PCDH15: variants seen among roughly 807,000 people sequenced by gnomAD.
The protein encoded by PCDH15 is protocadherin related 15.
In PCDH15, 129 loss-of-function variants were observed where a neutral mutation model predicts 178.5. The ratio of observed to expected loss-of-function variants is 0.72; its 90% confidence interval spans 0.63 to 0.84. PCDH15 has a LOEUF of 0.84. Among genes scored for constraint, PCDH15 ranks in the 40% least tolerant of loss-of-function variants. The pLI is 0.00. For missense variants in PCDH15, 2,230 were observed against 2,099.9 expected (o/e 1.06, Z -1.21); for synonymous variants, 800 against 732.0 (o/e 1.09, Z -1.50).
At chr10:54,358,904 T>C (rs377525613) in intron 5 of PCDH15, among the ~76,000 whole-genome samples, 8 of 150,398 alleles carry the variant, frequency 5.3e-5, no homozygotes, top group African/African-American at 1.5e-4. Context: ...AGTAAACTAT[T>C]GCAAGAACAA....
chr10:54,329,962 T>C (rs554718411), intron 6 of PCDH15, among the ~76,000 whole-genome samples: 94 of 151,868 alleles, frequency 6.2e-4, no homozygotes, highest in Non-Finnish European at 1.1e-3. Context: ...ATATTACTAG[T>C]ATTATTCATC....
chr10:54,783,388 C>A (rs527904658), intron 1 of PCDH15, among the ~76,000 whole-genome samples: 2 of 151,894 alleles, frequency 1.3e-5, no homozygotes, highest in African/African-American at 4.8e-5. Flanking sequence ...TTGAAGACAT[C>A]TTTTGAAATA....
chr10:54,318,559 T>G (rs2061414180), intron 7 of PCDH15, among the ~76,000 whole-genome samples: 1 of 152,224 alleles, frequency 6.6e-6, no homozygotes, highest in African/African-American at 2.4e-5. Flanking sequence ...TTACTTAATG[T>G]CAGTTTTCTG....
intron 14 of PCDH15, among the ~76,000 whole-genome samples, chr10:54,139,541 A>C (rs971814962): frequency 2.6e-5 from 4 of 152,152 alleles, no homozygotes; most frequent in Admixed American, 2.0e-4. Flanking sequence ...ATTTCTAAAA[A>C]TTGTGGAATG....
chr10:55,533,411 C>A (rs1407710842), intron 2 of PCDH15, among the ~76,000 whole-genome samples: 1 of 151,952 alleles, frequency 6.6e-6, no homozygotes, highest in African/African-American at 2.4e-5. Context: ...GTAGAAAAAT[C>A]AGTAACATTT....
intron 1 of PCDH15, among the ~76,000 whole-genome samples, chr10:55,249,385 ACATGCTGTT>A (rs1246907885): frequency 6.6e-6 from 1 of 152,194 alleles, no homozygotes; most frequent in Admixed American, 6.5e-5. Flanking sequence ...GTTATAGACA[ACATGCTGTT>A]CATCTACCTA....
intron 5 of PCDH15, among the ~76,000 whole-genome samples, chr10:54,352,664 G>A (rs1372749345): frequency 6.6e-6 from 1 of 152,086 alleles, no homozygotes; most frequent in Non-Finnish European, 1.5e-5. Context: ...CTTTAGTGAT[G>A]CAAGATTACA....
At chr10:54,826,735 C>T (rs188621839) in intron 3 of PCDH15, among the ~76,000 whole-genome samples, 1 of 152,066 alleles carries the variant, frequency 6.6e-6, no homozygotes, top group East Asian at 1.9e-4. Flanking sequence ...TTTACATCTA[C>T]ACTAAAAATA....
Position 54,030,371 on chromosome 10 carries a change from CTTTT to C in PCDH15, c.2221-7178_2221-7175del, listed in dbSNP as rs5785033. Among the ~76,000 whole-genome samples, 731 of 143,112 alleles carry C rather than the reference CTTTT, an allele frequency of 5.1e-3. 2 individuals are homozygous for C. Among genetic ancestry groups the C allele is most frequent in the Middle Eastern group, 0.011 (3 of 274 alleles). 93.9% of individuals were successfully genotyped at this position (143,112 alleles called of 152,430 possible). A position where few individuals can be genotyped will look rare whatever the true frequency, so the allele number is the denominator to read the frequency against. Reference sequence around the variant, plus strand: ...CTTCAAAAAGATGTACAATAGTTGTCTTTTTTTTTTTTTTTTTAAGGAGCTGAGC... The same window carrying C: ...CTTCAAAAAGATGTACAATAGTTGTCTTTTTTTTTTTTTAAGGAGCTGAGC... On this transcript the variant is annotated intron_variant, in intron 18 of 37. Coordinates refer to ENST00000644397, the MANE Select transcript of PCDH15 (RefSeq NM_001384140.1).
chr10:54,681,903 G>C (rs1005719356), intron 1 of PCDH15, among the ~76,000 whole-genome samples: 24 of 152,152 alleles, frequency 1.6e-4, no homozygotes, highest in South Asian at 2.1e-4. Flanking sequence ...TCTTAGGTTG[G>C]TAGAGGAAAT....
chr10:54,744,719 A>C (rs1297866890), intron 1 of PCDH15, among the ~76,000 whole-genome samples: 1 of 152,176 alleles, frequency 6.6e-6, no homozygotes, highest in Non-Finnish European at 1.5e-5. Context: ...TATTTTAAGA[A>C]AAATGTAAAG....
intron 2 of PCDH15, among the ~76,000 whole-genome samples, chr10:54,967,411 CT>C (rs1295422755): frequency 6.6e-6 from 1 of 152,076 alleles, no homozygotes; most frequent in Non-Finnish European, 1.5e-5. Context: ...CCTTGTACTC[CT>C]TTGTAATTCC....
At chr10:54,831,376 C>T (rs970147878) in intron 3 of PCDH15, among the ~76,000 whole-genome samples, 1 of 152,028 alleles carries the variant, frequency 6.6e-6, no homozygotes, top group Non-Finnish European at 1.5e-5. Flanking sequence ...TCAAAAGACA[C>T]ATTAATATAT....
intron 33 of PCDH15, 74 bp downstream of exon 33, chr10:53,820,090 AT>A (rs1453724188): frequency 2.8e-5 from 11 of 396,438 alleles, no homozygotes; most frequent in Middle Eastern, 6.3e-4. Context: ...TAAATTTTAC[AT>A]TTGCAAAAAG....
At chr10:54,497,649 T>C (rs1037761805) in intron 3 of PCDH15, among the ~76,000 whole-genome samples, 13 of 152,020 alleles carry the variant, frequency 8.6e-5, no homozygotes, top group Non-Finnish European at 1.5e-5. Context: ...CAGAATATGA[T>C]TGGAAACAAT....
chr10:55,262,822 A>AT (rs1842180696), intron 1 of PCDH15, among the ~76,000 whole-genome samples: 1 of 152,172 alleles, frequency 6.6e-6, no homozygotes, highest in Non-Finnish European at 1.5e-5. Flanking sequence ...TGACCTTGCA[A>AT]TAAGACAGAG....
intron 1 of PCDH15, among the ~76,000 whole-genome samples, chr10:55,218,610 G>A (rs1453197862): frequency 6.6e-6 from 1 of 151,966 alleles, no homozygotes; most frequent in Admixed American, 6.6e-5. Context: ...ACTTCATTCA[G>A]TCATCCTTCG....
At chr10:54,515,290 T>C (rs1309542759) in intron 3 of PCDH15, among the ~76,000 whole-genome samples, 1 of 152,148 alleles carries the variant, frequency 6.6e-6, no homozygotes, top group African/African-American at 2.4e-5. Context: ...ACTGCACTTT[T>C]CCAACGGGCT....
intron 1 of PCDH15, among the ~76,000 whole-genome samples, chr10:55,274,331 GTTTA>G (rs541557147): frequency 2.0e-5 from 3 of 151,830 alleles, no homozygotes; most frequent in African/African-American, 7.3e-5. Context: ...GGTGTTTTTT[GTTTA>G]TTTGTTTGTT....
Sources: allele counts gnomAD v4.1 joint callset (sites outside exome capture counted in the v4.1 genomes callset), GRCh38; gene constraint gnomAD v4.1.1; transcripts MANE v1.5; gene names NCBI Gene and HGNC (gene_info 2026-07-23, HGNC 2026-07-21).